Variants in B3GALNT2 observed in about 807,000 individuals in gnomAD.
The protein encoded by B3GALNT2 is beta-1,3-N-acetylgalactosaminyltransferase 2, also known as UDP-GalNAc:beta-1,3-N-acetylgalactosaminyltransferase 2.
In B3GALNT2, 53 loss-of-function variants were observed where a neutral mutation model predicts 61.1. The ratio of observed to expected loss-of-function variants is 0.87; its 90% CI spans 0.70 to 1.09. The LOEUF (loss-of-function observed/expected upper bound fraction) is 1.09. Among genes scored for constraint, B3GALNT2 ranks in the 50% least tolerant of loss-of-function variants. The pLI is 0.00. For missense variants in B3GALNT2, 544 were observed against 623.0 expected, an observed-to-expected ratio of 0.87 and a Z score of 1.35; for synonymous variants, 223 against 237.4, an observed-to-expected ratio of 0.94 and a Z score of 0.56.
At chr1:235,460,770 C>A (rs977098009) in intron 7 of B3GALNT2, among the ~76,000 whole-genome samples, 1 of 151,452 alleles carries the variant, frequency 6.6e-6, no homozygotes, top group East Asian at 2.0e-4. Context: ...GATGGGGTCT[C>A]GCTATGTTGT....
chr1:235,465,827 A>G (rs1683668160), intron 6 of B3GALNT2, 113 bp from the exon 7 acceptor site: 2 of 1,234,694 alleles, frequency 1.6e-6, no homozygotes, highest in African/African-American at 3.0e-5. Flanking sequence ...AGATAAATGC[A>G]TGTAAGATGC....
intron 1 of B3GALNT2, 40 bp downstream of exon 1, chr1:235,504,101 C>T (rs1052190587): frequency 8.3e-7 from 1 of 1,208,234 alleles, no homozygotes; most frequent in East Asian, 3.4e-5. Context: ...GCCTCCCACC[C>T]CCCCGGCGGC....
chr1:235,470,481 A>G lies in B3GALNT2; in HGVS notation c.762+369T>C, dbSNP rs1016565515. Among the ~76,000 whole-genome samples the G allele has an allele frequency of 2.0e-5, 3 of 151,564 alleles. No individual in the cohort carries two copies. In the South Asian group the frequency reaches 6.3e-4, roughly 32 times the overall value. On this transcript the variant is annotated intron_variant, in intron 6 of 11. Coordinates refer to ENST00000366600, the MANE Select transcript of B3GALNT2 (RefSeq NM_152490.5). The stretch of plus-strand genomic sequence containing the variant: ...GTGGTGCGCACCTGTAGCCCCAGCT[A>G]CATGGGAGGATTGTTTAAGCCAGGA...
In B3GALNT2 at chr1:235,454,259, G is replaced by C; in HGVS notation, c.1208C>G (p.Pro403Arg). 1 of 1,612,980 alleles carries C rather than the reference G, an allele frequency of 6.2e-7. No homozygotes were observed. The highest frequency in any genetic ancestry group is 8.5e-7 in the Non-Finnish European group (1 of 1,179,124). The change falls in exon 10 of 12, where the codon CCG (proline) becomes CGG (arginine). Residue 403 changes from proline (P) to arginine (R), a missense_variant. Physicochemically the swap from Pro to Arg is moderately radical, Grantham distance 103. Coordinates refer to ENST00000366600, the MANE Select transcript of B3GALNT2 (RefSeq NM_152490.5). ...RTGKWQELEYPSPAYPAFACG... is the reference protein window; with the variant it reads ...RTGKWQELEYRSPAYPAFACG... ...TGCAAAGGCAGGGTAAGCGGGGCTCGGGTACTCCAACTCCTGCCACTTTCC... is the reference window on the plus strand; with the variant it reads ...TGCAAAGGCAGGGTAAGCGGGGCTCCGGTACTCCAACTCCTGCCACTTTCC...
the B3GALNT2 span, chr1:235,441,585 G>A: frequency 1.8e-6 from 1 of 558,340 alleles, no homozygotes; most frequent in Non-Finnish European, 3.2e-6. Flanking sequence ...TTAACAATGA[G>A]CTAGATAAGC....
At chr1:235,468,145 T>C (rs926988489) in intron 6 of B3GALNT2, among the ~76,000 whole-genome samples, 7 of 152,182 alleles carry the variant, frequency 4.6e-5, no homozygotes, top group Non-Finnish European at 1.0e-4. Context: ...GTAATTTCTG[T>C]TTATTAACTT....
downstream of B3GALNT2, among the ~76,000 whole-genome samples, chr1:235,444,665 AAAGTGCTGGGGTTATAGGT>A (rs1310380816): frequency 6.6e-6 from 1 of 152,172 alleles, no homozygotes; most frequent in Non-Finnish European, 1.5e-5. Context: ...ATCACCTCCC[AAAGTGCTGGGGTTATAGGT>A]GTGAGCCACC....
chr1:235,452,547 CTT>C (rs34600118), intron 11 of B3GALNT2: 210 of 143,428 alleles, frequency 1.5e-3, no homozygotes, highest in Middle Eastern at 7.0e-3. Flanking sequence ...AAATCCAAAA[CTT>C]TTTTTTTTTT....
intron 1 of B3GALNT2, chr1:235,496,285 T>C: frequency 1.5e-6 from 1 of 679,308 alleles, no homozygotes; most frequent in Non-Finnish European, 2.0e-6. Flanking sequence ...CACTCCAGCC[T>C]GGGCAACAAG....
intron 4 of B3GALNT2, among the ~76,000 whole-genome samples, chr1:235,481,333 C>G (rs142070103): frequency 6.6e-6 from 1 of 152,128 alleles, no homozygotes; most frequent in Admixed American, 6.6e-5. Context: ...ATTGATAACT[C>G]GCACACTATA....
chr1:235,439,797 T>G, the B3GALNT2 span, among the ~76,000 whole-genome samples: 1 of 150,726 alleles, frequency 6.6e-6, no homozygotes, highest in Non-Finnish European at 1.5e-5. Flanking sequence ...AGGAAAGCAT[T>G]TCTTTTTCTT....
rs753564495 is a variant in B3GALNT2, at chr1:235,484,415, G to A, written c.462C>T (p.Pro154=). 6.2e-7 allele frequency: 1 copy of A among 1,614,176 alleles called. No individual in the cohort carries two copies. The highest frequency in any genetic ancestry group is 8.5e-7 in the Non-Finnish European group (1 of 1,180,022). Residue 154 remains proline (P), a synonymous_variant, in exon 4 of 12, where the codon CCC becomes CCT. Coordinates refer to ENST00000366600, the MANE Select transcript of B3GALNT2 (RefSeq NM_152490.5). ...ACACTCCAAGACTGGTAATAACGAT[G>A]GGGTAGAGAACTCGGAAACTCACGC... The part of the protein sequence containing the change: ...VVSVSFRVLY[P]IVITSLGVFY...
At chr1:235,444,796 G>A (rs1682135223), downstream of B3GALNT2, among the ~76,000 whole-genome samples, 1 of 152,234 alleles carries the variant, frequency 6.6e-6, no homozygotes, top group Non-Finnish European at 1.5e-5. Context: ...TCATGGGAAT[G>A]TTACCACTAT....
At chr1:235,461,507 GTTT>G (rs57611133) in intron 7 of B3GALNT2, among the ~76,000 whole-genome samples, 30 of 63,372 alleles carry the variant, frequency 4.7e-4, no homozygotes, top group African/African-American at 9.6e-4. Flanking sequence ...ATGACCTCCT[GTTT>G]TTTTTTTTTT....
chr1:235,454,243 A>G lies in B3GALNT2; in HGVS notation c.1224T>C (p.Pro408=). 3 of 1,613,534 alleles carry G rather than the reference A, an allele frequency of 1.9e-6. No individual in the cohort carries two copies. The South Asian group carries it at 3.3e-5, about 18-fold the overall frequency. Residue 408 remains proline, a synonymous_variant, in exon 10 of 12, where the codon CCT becomes CCC. Coordinates refer to ENST00000366600, the MANE Select transcript of B3GALNT2 (RefSeq NM_152490.5). ...QELEYPSPAY[P]AFACGSGYVI... The stretch of plus-strand genomic sequence containing the variant: ...CATATCCTGACCCACATGCAAAGGC[A>G]GGGTAAGCGGGGCTCGGGTACTCCA...
intron 7 of B3GALNT2, among the ~76,000 whole-genome samples, chr1:235,460,780 T>G (rs1453587564): frequency 2.6e-5 from 4 of 151,862 alleles, no homozygotes; most frequent in African/African-American, 9.7e-5. Context: ...CGCTATGTTG[T>G]CCAGGCTGGT....
In B3GALNT2 at chr1:235,448,596, G is replaced by A; in HGVS notation, c.*1610C>T. On this transcript the variant is annotated 3_prime_UTR_variant, in exon 12 of 12. Coordinates refer to ENST00000366600, the MANE Select transcript of B3GALNT2 (RefSeq NM_152490.5). The stretch of plus-strand genomic sequence containing the variant: ...AAGCTACTGCCTGGGGACGGGGTGG[G>A]GGAAGAGTATGTGTAGCATGCTTTA... 1 of 1,415,032 alleles carries A rather than the reference G, an allele frequency of 7.1e-7. No individual in the cohort carries two copies. Among genetic ancestry groups the A allele is most frequent in the Non-Finnish European group, 1.0e-6 (1 of 999,234 alleles). The allele number at this position is 1,415,032 out of a possible 1,614,324, so 87.7% of individuals were successfully genotyped here.
chr1:235,465,370 G>A, intron 7 of B3GALNT2: 1 of 367,292 alleles, frequency 2.7e-6, no homozygotes, highest in African/African-American at 2.1e-5. Context: ...GAGAAAGAAA[G>A]TGCATCAGTA....
At chr1:235,474,843 C>A (rs1336487268) in intron 5 of B3GALNT2, among the ~76,000 whole-genome samples, 2 of 150,400 alleles carry the variant, frequency 1.3e-5, no homozygotes, top group Admixed American at 1.3e-4. Flanking sequence ...GTCCATAATG[C>A]TAACAATAAC....
Sources: gnomAD v4.1 joint callset for allele counts (sites outside exome capture counted in the v4.1 genomes callset) on GRCh38, gnomAD v4.1.1 for gene constraint, MANE v1.5 for transcripts, NCBI Gene and HGNC (gene_info 2026-07-23, HGNC 2026-07-21) for gene names.